EHBP1: variants seen among roughly 807,000 people sequenced by gnomAD.
EHBP1 encodes the protein EH domain-binding protein 1.
In EHBP1, 55 loss-of-function variants were observed where a neutral mutation model predicts 144.0. The observed-to-expected ratio is 0.38, with a 90% CI of 0.31 to 0.48. The LOEUF is 0.48. Among genes scored for constraint, EHBP1 ranks in the 20% least tolerant of loss-of-function variants. The pLI is 0.98. For synonymous variants in EHBP1, 469 were observed against 472.7 expected (o/e 0.99, Z 0.10); for missense variants, 1,200 against 1,364.2 (o/e 0.88, Z 1.90).
In EHBP1 at chr2:62,723,728, C is replaced by G. The variant is rs998914444; in HGVS notation, c.104+16433C>G. On this transcript the variant is annotated intron_variant, in intron 2 of 22. Coordinates refer to ENST00000431489, the MANE Select transcript of EHBP1 (RefSeq NM_001142616.3). The stretch of plus-strand genomic sequence containing the variant: ...TGTGGAAAGGATTTTATTTCTCCTT[C>G]GCTTATGAAGCTTAGTTTGGTGAGA... 2.6e-5 allele frequency among the ~76,000 whole-genome samples: 4 copies of G among 152,140 alleles called. No homozygotes were observed. The East Asian group carries it at 5.8e-4, about 22-fold the overall frequency.
At chr2:62,952,509 A>C (rs570374272) in intron 13 of EHBP1, among the ~76,000 whole-genome samples, 22 of 152,308 alleles carry the variant, frequency 1.4e-4, no homozygotes, top group Non-Finnish European at 2.9e-4. Flanking sequence ...AAATTTAGTA[A>C]CTTTAATATG....
chr2:62,825,858 C>A (rs540130406), intron 5 of EHBP1, among the ~76,000 whole-genome samples: 2 of 152,164 alleles, frequency 1.3e-5, no homozygotes, highest in Middle Eastern at 6.8e-3. Context: ...CTAATCTTCT[C>A]TTGTTTCTGC....
chr2:62,944,714 G>A (rs1161322988), intron 12 of EHBP1, among the ~76,000 whole-genome samples: 1 of 152,210 alleles, frequency 6.6e-6, no homozygotes, highest in Non-Finnish European at 1.5e-5. Flanking sequence ...CAGGGCATCT[G>A]TGTAAGGCTG....
At chr2:62,797,570 G>A (rs1253865080) in intron 5 of EHBP1, among the ~76,000 whole-genome samples, 1 of 152,190 alleles carries the variant, frequency 6.6e-6, no homozygotes, top group Non-Finnish European at 1.5e-5. Flanking sequence ...TATAGTATGT[G>A]AAGAGCCAAG....
intron 10 of EHBP1, among the ~76,000 whole-genome samples, chr2:62,880,531 A>G (rs1471393484): frequency 1.3e-5 from 2 of 152,184 alleles, no homozygotes; most frequent in Non-Finnish European, 2.9e-5. Flanking sequence ...CAAAATCCAT[A>G]GGTAACTTAA....
chr2:62,733,652 A>G (rs2152050927), intron 2 of EHBP1, among the ~76,000 whole-genome samples: 1 of 152,298 alleles, frequency 6.6e-6, no homozygotes, highest in Middle Eastern at 3.4e-3. Flanking sequence ...GGTAGGCCTT[A>G]TTAAGAGGCT....
chr2:62,991,956 C>T (rs1300032669), intron 16 of EHBP1, among the ~76,000 whole-genome samples: 3 of 152,140 alleles, frequency 2.0e-5, no homozygotes, highest in Non-Finnish European at 4.4e-5. Context: ...AAGCCTGGAT[C>T]GGGTCTGATT....
chr2:62,722,249 G>A (rs562201027), intron 2 of EHBP1, among the ~76,000 whole-genome samples: 6 of 151,426 alleles, frequency 4.0e-5, no homozygotes, highest in East Asian at 1.9e-4. Context: ...CTCCTGCCTC[G>A]GCCTCCCGAG....
At chr2:63,038,384 A>G (rs2153365396) in intron 20 of EHBP1, among the ~76,000 whole-genome samples, 1 of 152,200 alleles carries the variant, frequency 6.6e-6, no homozygotes. Flanking sequence ...TGGTACTTTC[A>G]TGTTTCTTGT....
At chr2:62,869,332 C>T (rs1333289760) in intron 9 of EHBP1, among the ~76,000 whole-genome samples, 1 of 152,170 alleles carries the variant, frequency 6.6e-6, no homozygotes, top group Non-Finnish European at 1.5e-5. Flanking sequence ...TCCACAAAGA[C>T]TTCTACATAA....
At chr2:62,729,967 C>T (rs1392281922) in intron 2 of EHBP1, among the ~76,000 whole-genome samples, 2 of 151,962 alleles carry the variant, frequency 1.3e-5, no homozygotes, top group Non-Finnish European at 2.9e-5. Flanking sequence ...AGTTCCAAAC[C>T]ACTGTAATAA....
chr2:62,807,889 T>G (rs1012862434), intron 5 of EHBP1, among the ~76,000 whole-genome samples: 2 of 152,118 alleles, frequency 1.3e-5, no homozygotes, highest in Non-Finnish European at 2.9e-5. Context: ...TATATTTGTT[T>G]CTCTATAGAT....
chr2:62,909,306 C>T (rs2054024198), intron 10 of EHBP1, among the ~76,000 whole-genome samples: 1 of 152,112 alleles, frequency 6.6e-6, no homozygotes, highest in Non-Finnish European at 1.5e-5. Flanking sequence ...CCTCAGCCTC[C>T]CGAGTAGCTG....
intron 5 of EHBP1, among the ~76,000 whole-genome samples, chr2:62,814,096 A>C (rs1379370734): frequency 6.6e-6 from 1 of 152,206 alleles, no homozygotes; most frequent in Non-Finnish European, 1.5e-5. Flanking sequence ...CTGTAGTTTG[A>C]ATGTGTCCCC....
At chr2:62,721,965 T>C (rs1003209156) in intron 2 of EHBP1, among the ~76,000 whole-genome samples, 166 of 152,146 alleles carry the variant, frequency 1.1e-3, no homozygotes, top group Non-Finnish European at 1.7e-3. Context: ...AATTCACATA[T>C]ACATTTCCCC....
intron 3 of EHBP1, among the ~76,000 whole-genome samples, chr2:62,757,066 G>A (rs921628194): frequency 1.6e-4 from 24 of 152,026 alleles, no homozygotes; most frequent in African/African-American, 5.1e-4. Flanking sequence ...TAAAATATAC[G>A]TTACTTGCTG....
intron 19 of EHBP1, among the ~76,000 whole-genome samples, chr2:63,005,688 A>G (rs1314885387): frequency 2.0e-5 from 3 of 152,074 alleles, no homozygotes; most frequent in African/African-American, 7.2e-5. Context: ...TGTGTGGCCA[A>G]TATTGTAGTT....
chr2:62,832,359 A>T (rs549653168), intron 7 of EHBP1, among the ~76,000 whole-genome samples: 1 of 150,608 alleles, frequency 6.6e-6, no homozygotes, highest in East Asian at 1.9e-4. Context: ...TCATCATTAG[A>T]CTCAACTTCT....
Position 63,028,940 on chromosome 2 carries a change from A to T in EHBP1, c.3104-8595A>T, listed in dbSNP as rs372555885. Among the ~76,000 whole-genome samples the T allele has an allele frequency of 9.2e-5, 14 of 152,292 alleles. No individual in the cohort carries two copies. In the East Asian group the frequency reaches 2.7e-3, roughly 29 times the overall value. On this transcript the variant is annotated intron_variant, in intron 19 of 22. Coordinates refer to ENST00000431489, the MANE Select transcript of EHBP1 (RefSeq NM_001142616.3). ...TATAAGTATTTGATATTCTGTTGTC[A>T]TTCTTTTCTTCAAATTATATCAATT...
Sources: allele counts gnomAD v4.1 joint callset (sites outside exome capture counted in the v4.1 genomes callset), GRCh38; gene constraint gnomAD v4.1.1; transcripts MANE v1.5; gene names NCBI Gene and HGNC (gene_info 2026-07-23, HGNC 2026-07-21).